Variants in PRPH2 observed in about 807,000 individuals in gnomAD.
PRPH2 encodes peripherin 2.
Under a neutral mutation model 31.3 loss-of-function variants are expected in PRPH2, and 17 were observed. The observed-to-expected ratio is 0.54, with a 90% CI of 0.37 to 0.81. PRPH2 has a LOEUF of 0.81. PRPH2 is among the 40% of genes least tolerant of loss of function. The probability of loss-of-function intolerance (pLI) is 0.00; values close to 1 mark genes in which losing one functional copy is unlikely to be tolerated. For missense variants in PRPH2, 430 were observed against 439.7 expected (o/e 0.98, Z 0.20); for synonymous variants, 165 against 184.4 (o/e 0.89, Z 0.85).
At chr6:42,706,893 CTTTTT>C (rs67473485) in intron 1 of PRPH2, among the ~76,000 whole-genome samples, 39,582 of 151,006 alleles carry the variant, frequency 0.26, 5,492 homozygotes, top group East Asian at 0.47. Context: ...TTTTCCTGTT[CTTTTT>C]TTATTACTGC....
Position 42,722,279 on chromosome 6 carries a change from C to A in PRPH2, c.56G>T (p.Gly19Val). 6.2e-7 allele frequency: 1 copy of A among 1,614,138 alleles called. No individual in the cohort carries two copies. The highest frequency in any genetic ancestry group is 8.5e-7 in the Non-Finnish European group (1 of 1,180,040). ...DQKKRVKLAQ[G>V]LWLMNWFSVL... ...GGAGAACCAGTTCATGAGCCAGAGC[C>A]CTTGGGCCAACTTGACCCGCTTCTT... The change falls in exon 1 of 3, where the codon GGG becomes GTG. Residue 19 changes from glycine to valine, a missense_variant. Physicochemically the swap from Gly to Val is moderately radical, Grantham distance 109. Transcript: ENST00000230381. This position sits in a 1 kb window ranked among gnomAD's most constrained non-coding sequence, Gnocchi z 4.4.
intron 2 of PRPH2, among the ~76,000 whole-genome samples, chr6:42,703,011 T>C (rs530838200): frequency 6.6e-6 from 1 of 152,250 alleles, no homozygotes; most frequent in African/African-American, 2.4e-5. Flanking sequence ...ACCCCATTTC[T>C]ACAGAAGACT....
Position 42,697,931 on chromosome 6 carries a change from C to T in PRPH2, c.*364G>A. 1 of 258,056 alleles carries T rather than the reference C, an allele frequency of 3.9e-6. No homozygotes were observed. Among genetic ancestry groups the T allele is most frequent in the Non-Finnish European group, 7.5e-6 (1 of 133,626 alleles). 16.0% of individuals were successfully genotyped at this position (258,056 alleles called of 1,614,324 possible). A position where few individuals can be genotyped will look rare whatever the true frequency, so the allele number is the denominator to read the frequency against. On this transcript the variant is annotated 3_prime_UTR_variant, in exon 3 of 3. Coordinates refer to ENST00000230381, the MANE Select transcript of PRPH2 (RefSeq NM_000322.5). ...TAAGAGGTAAATTCTAAAAGGGGAG[C>T]AGCCCTCAGATACGGCCAGTGGCCA...
chr6:42,701,682 A>T (rs1346396818), intron 2 of PRPH2, among the ~76,000 whole-genome samples: 1 of 78,520 alleles, frequency 1.3e-5, no homozygotes, highest in Admixed American at 1.7e-4. Context: ...ACGTCCAGCA[A>T]TTTTTTTTTT....
At position 42,696,709 on chromosome 6, in the gene PRPH2, G is replaced by C. The variant is rs561587259; in HGVS notation, c.*1586C>G. On this transcript the variant is annotated 3_prime_UTR_variant, in exon 3 of 3. Coordinates refer to ENST00000230381, the MANE Select transcript of PRPH2 (RefSeq NM_000322.5). ...TGGTTCTCAGCACTCTTGAGAGATA[G>C]CAAGAGCTCAGGGACCTTTGCCAAA... is the stretch of plus-strand genomic sequence containing the variant. The C allele has an allele frequency of 6.6e-6, 1 of 152,308 alleles. No individual in the cohort carries two copies. Among genetic ancestry groups the C allele is most frequent in the East Asian group, 1.9e-4 (1 of 5,184 alleles). 9.4% of individuals were successfully genotyped at this position (152,308 alleles called of 1,614,324 possible). A position where few individuals can be genotyped will look rare whatever the true frequency, so the allele number is the denominator to read the frequency against.
chr6:42,720,809 A>G (rs1326258911), intron 1 of PRPH2, among the ~76,000 whole-genome samples: 2 of 152,196 alleles, frequency 1.3e-5, no homozygotes, highest in African/African-American at 4.8e-5. Flanking sequence ...GCCTCAAGGC[A>G]GGCTGCCCTT....
Position 42,722,488 on chromosome 6 carries a change from AG to A in PRPH2, c.-155del. 6.6e-7 allele frequency: 1 copy of A among 1,508,954 alleles called. No individual in the cohort carries two copies. The highest frequency in any genetic ancestry group is 8.8e-7 in the Non-Finnish European group (1 of 1,133,970). 93.5% of individuals were successfully genotyped at this position (1,508,954 alleles called of 1,614,324 possible). ...GGGGCTACCCATGTCGAGTCCCACT[AG>A]CCTGGGATCCCCGTGAATGCAGTAG... On this transcript the variant is annotated 5_prime_UTR_variant, in exon 1 of 3. Transcript: ENST00000230381. This position sits in a 1 kb window ranked among gnomAD's most constrained non-coding sequence, Gnocchi z 4.4.
rs1166266558 is a variant in PRPH2 at position 42,697,230 on chromosome 6, A to G, written c.*1065T>C. Reference sequence around the variant, plus strand: ...ATTTGCTAGCTCAGGAAGATGGGCTATCTCAAAGAATCTCCTTTGATGCAG... The same window carrying G: ...ATTTGCTAGCTCAGGAAGATGGGCTGTCTCAAAGAATCTCCTTTGATGCAG... On this transcript the variant is annotated 3_prime_UTR_variant, in exon 3 of 3. Transcript: ENST00000230381. 6.6e-6 allele frequency: 1 copy of G among 152,196 alleles called. No homozygotes were observed. Among genetic ancestry groups the G allele is most frequent in the Non-Finnish European group, 1.5e-5 (1 of 68,034 alleles). The allele number at this position is 152,196 out of a possible 1,614,324, so 9.4% of individuals were successfully genotyped here. A position where few individuals can be genotyped will look rare whatever the true frequency, so the allele number is the denominator to read the frequency against.
intron 2 of PRPH2, 98 bp downstream of exon 2, chr6:42,704,267 A>T: frequency 6.7e-7 from 1 of 1,491,364 alleles, no homozygotes; most frequent in Non-Finnish European, 9.1e-7. Flanking sequence ...GTTTCCAAAG[A>T]GGGAGGCATG....
chr6:42,697,752 C>T lies in PRPH2; in HGVS notation c.*543G>A, dbSNP rs432753. The T allele has an allele frequency of 0.77, 118,089 of 153,064 alleles. 45,716 individuals carry two copies. The highest frequency in any genetic ancestry group is 0.86 in the East Asian group (4,460 of 5,166). The allele number at this position is 153,064 out of a possible 1,614,324, so 9.5% of individuals were successfully genotyped here. On this transcript the variant is annotated 3_prime_UTR_variant, in exon 3 of 3. Coordinates refer to ENST00000230381, the MANE Select transcript of PRPH2 (RefSeq NM_000322.5). ...TAAGAGTCCATTATTCTTAGAAAAGCGTAACTTTCCCCCAACTTCTGGCAT... is the reference window on the plus strand; with the variant it reads ...TAAGAGTCCATTATTCTTAGAAAAGTGTAACTTTCCCCCAACTTCTGGCAT...
rs559192015 is a variant in PRPH2 at position 42,718,187 on chromosome 6, TG to T, written c.581+3566del. Reference sequence around the variant, plus strand: ...TTAGCCAGATGTGGTGGCTCACGTCTGTAGTCCCAGGTACTCGGGAGGCTGA... The same window carrying T: ...TTAGCCAGATGTGGTGGCTCACGTCTTAGTCCCAGGTACTCGGGAGGCTGA... On this transcript the variant is annotated intron_variant, in intron 1 of 2. Coordinates refer to ENST00000230381, the MANE Select transcript of PRPH2 (RefSeq NM_000322.5). 6.7e-3 allele frequency among the ~76,000 whole-genome samples: 1,012 copies of T among 151,918 alleles called. 8 individuals carry two copies. The highest frequency in any genetic ancestry group is 0.024 in the African/African-American group (981 of 41,384).
chr6:42,710,896 A>T (rs914178526), intron 1 of PRPH2, among the ~76,000 whole-genome samples: 7 of 152,204 alleles, frequency 4.6e-5, no homozygotes, highest in African/African-American at 1.7e-4. Context: ...AGACCTTGAG[A>T]ACTGGCCTAA....
intron 2 of PRPH2, among the ~76,000 whole-genome samples, chr6:42,700,036 G>A (rs1415427642): frequency 1.3e-5 from 2 of 148,956 alleles, no homozygotes; most frequent in African/African-American, 5.0e-5. Flanking sequence ...TTGGCTCACT[G>A]CAATCTCCGC....
chr6:42,709,386 G>T (rs911226888), intron 1 of PRPH2, among the ~76,000 whole-genome samples: 1 of 148,158 alleles, frequency 6.7e-6, no homozygotes, highest in African/African-American at 2.5e-5. Context: ...GTTGCCCACT[G>T]GTCCCATTGG....
chr6:42,705,599 A>AAAAAAAATATATATATATATAT (rs1562424252), intron 1 of PRPH2, among the ~76,000 whole-genome samples: 3 of 21,542 alleles, frequency 1.4e-4, no homozygotes, highest in African/African-American at 5.5e-4. Context: ...AAAAAAAAAA[A>AAAAAAAATATATATATATATAT]ATATATATAT....
At chr6:42,702,888 A>G (rs1800073745) in intron 2 of PRPH2, among the ~76,000 whole-genome samples, 2 of 150,124 alleles carry the variant, frequency 1.3e-5, no homozygotes, top group African/African-American at 4.9e-5. Flanking sequence ...AGAAAGAAAT[A>G]TCTCTTGGCC....
rs144905501 is a variant in PRPH2 at position 42,706,128 on chromosome 6, G to A, written c.582-1517C>T. On this transcript the variant is annotated intron_variant, in intron 1 of 2. Transcript: ENST00000230381. ...TCTACAATTAATAAAAATACAGGCC[G>A]GGCACGGTGGCTCAAGCCTGTAATC... 2.6e-4 allele frequency among the ~76,000 whole-genome samples: 40 copies of A among 151,640 alleles called. No homozygotes were observed. The East Asian group carries it at 7.5e-3, about 28-fold the overall frequency.
At chr6:42,707,655 CTT>C (rs1168146113) in intron 1 of PRPH2, among the ~76,000 whole-genome samples, 1 of 152,144 alleles carries the variant, frequency 6.6e-6, no homozygotes, top group East Asian at 1.9e-4. Context: ...AGTTGAGCGT[CTT>C]TTGGTGTGCT....
chr6:42,708,867 C>T (rs1301338052), intron 1 of PRPH2, among the ~76,000 whole-genome samples: 1 of 152,192 alleles, frequency 6.6e-6, no homozygotes, highest in East Asian at 1.9e-4. Context: ...ATAAATGAGA[C>T]AATTCGAGTC....
Sources: gnomAD v4.1 joint callset for allele counts (sites outside exome capture counted in the v4.1 genomes callset) on GRCh38, gnomAD v4.1.1 for gene constraint, Gnocchi (gnomAD v3.1) non-coding constraint, MANE v1.5 for transcripts, NCBI Gene and HGNC (gene_info 2026-07-23, HGNC 2026-07-21) for gene names.